The following GLB1 variants were observed in gnomAD, a reference collection of about 807,000 sequenced individuals.
The protein encoded by GLB1 is galactosidase beta 1.
A neutral mutation model predicts 74.0 loss-of-function variants in GLB1; 56 were observed. The ratio of observed to expected loss-of-function variants is 0.76; its 90% confidence interval spans 0.61 to 0.94. GLB1 has a LOEUF of 0.94. GLB1 is among the 40% of genes least tolerant of loss of function. The probability of loss-of-function intolerance (pLI) is 0.00; values close to 1 mark genes in which losing one functional copy is unlikely to be tolerated. For missense variants in GLB1, 787 were observed against 845.5 expected, an observed-to-expected ratio of 0.93 and a Z score of 0.86; for synonymous variants, 323 against 323.6, an observed-to-expected ratio of 1.00 and a Z score of 0.02.
At chr3:32,979,936 T>C in the GLB1 span, among the ~76,000 whole-genome samples, 1 of 152,090 alleles carries the variant, frequency 6.6e-6, no homozygotes, top group African/African-American at 2.4e-5. Flanking sequence ...ATTAAAAATT[T>C]TAATTGACAC....
At chr3:33,008,948 C>T (rs1159722956) in intron 15 of GLB1, among the ~76,000 whole-genome samples, 10 of 151,732 alleles carry the variant, frequency 6.6e-5, no homozygotes, top group African/African-American at 1.9e-4. Flanking sequence ...GGAGAAACCC[C>T]GTCTCTACTA....
the GLB1 span, among the ~76,000 whole-genome samples, chr3:32,973,474 C>T: frequency 6.6e-6 from 1 of 152,094 alleles, no homozygotes; most frequent in African/African-American, 2.4e-5. Flanking sequence ...GCTAGGATTA[C>T]AGGTGCATGC....
intron 10 of GLB1, among the ~76,000 whole-genome samples, chr3:33,025,693 G>T (rs892376142): frequency 6.7e-6 from 1 of 149,162 alleles, no homozygotes; most frequent in East Asian, 2.0e-4. Flanking sequence ...GTGGCGGTGG[G>T]AGCAGCTGCT....
chr3:33,048,307 T>C (rs1293563286), intron 9 of GLB1, among the ~76,000 whole-genome samples: 1 of 152,086 alleles, frequency 6.6e-6, no homozygotes, highest in Non-Finnish European at 1.5e-5. Flanking sequence ...ACTTTGGGTG[T>C]TTTTAGACCA....
At chr3:33,021,724 C>T in intron 11 of GLB1, 69 bp from the exon 12 acceptor site, 1 of 1,547,566 alleles carries the variant, frequency 6.5e-7, no homozygotes, top group East Asian at 2.3e-5. Context: ...AGAGTCATTC[C>T]CTAATTATCA....
the GLB1 span, among the ~76,000 whole-genome samples, chr3:32,969,525 A>G: frequency 6.6e-6 from 1 of 152,208 alleles, no homozygotes; most frequent in Non-Finnish European, 1.5e-5. Flanking sequence ...CAAAGAGGCA[A>G]AGCAGGCTGC....
chr3:32,974,530 T>G, the GLB1 span, among the ~76,000 whole-genome samples: 1 of 152,100 alleles, frequency 6.6e-6, no homozygotes, highest in Non-Finnish European at 1.5e-5. Flanking sequence ...TCATAAAAAA[T>G]TTGCTTACAT....
chr3:33,006,235 T>C (rs182526513), intron 15 of GLB1, among the ~76,000 whole-genome samples: 95 of 151,892 alleles, frequency 6.3e-4, no homozygotes, highest in Admixed American at 2.1e-3. Flanking sequence ...CAGTGAGAGG[T>C]GAGCGAGCAT....
intron 5 of GLB1, among the ~76,000 whole-genome samples, chr3:33,063,173 C>T (rs1020451419): frequency 6.6e-6 from 1 of 152,030 alleles, no homozygotes; most frequent in East Asian, 1.9e-4. Flanking sequence ...TGAAAAAGTG[C>T]TCATGACAAA....
intron 10 of GLB1, chr3:33,030,887 T>A: frequency 1.1e-6 from 1 of 910,230 alleles, no homozygotes; most frequent in Non-Finnish European, 1.3e-6. Context: ...AACTCACCAC[T>A]GCCCCTCTCA....
At chr3:33,033,880 C>T (rs997622887) in intron 10 of GLB1, 6 of 514,334 alleles carry the variant, frequency 1.2e-5, no homozygotes, top group African/African-American at 3.9e-5. Context: ...CAGTAATTAA[C>T]ACTGTGGATA....
the GLB1 span, among the ~76,000 whole-genome samples, chr3:32,970,524 G>A: frequency 6.6e-6 from 1 of 152,206 alleles, no homozygotes; most frequent in African/African-American, 2.4e-5. Context: ...TAACAGACTT[G>A]TATACTCTTT....
chr3:33,019,461 C>A (rs1697378870), intron 12 of GLB1, among the ~76,000 whole-genome samples: 1 of 152,044 alleles, frequency 6.6e-6, no homozygotes, highest in Admixed American at 6.6e-5. Flanking sequence ...AAATAGAGAT[C>A]CAGCATGGAA....
chr3:33,022,564 A>ATTTTTTGGTTTTTTTTTTTTTTTTT, intron 11 of GLB1, among the ~76,000 whole-genome samples: 1 of 63,746 alleles, frequency 1.6e-5, no homozygotes, highest in Non-Finnish European at 2.9e-5. Flanking sequence ...ACTGGTTAGG[A>ATTTTTTGGTTTTTTTTTTTTTTTTT]TTTTTTTTTT....
chr3:33,013,803 A>C (rs1458727716), intron 15 of GLB1, among the ~76,000 whole-genome samples: 1 of 152,174 alleles, frequency 6.6e-6, no homozygotes, highest in African/African-American at 2.4e-5. Context: ...AGGGGTCATG[A>C]TTCTTCTTGG....
intron 10 of GLB1, chr3:33,045,235 T>G (rs966847422): frequency 3.3e-6 from 2 of 608,700 alleles, no homozygotes; most frequent in Non-Finnish European, 4.1e-6. Context: ...GATTTGCTCA[T>G]AGACTCACTC....
chr3:33,071,705 A>T (rs572215886), intron 2 of GLB1, among the ~76,000 whole-genome samples: 39 of 151,808 alleles, frequency 2.6e-4, no homozygotes, highest in African/African-American at 8.2e-4. Context: ...TCTGTTGCCC[A>T]CCCCTCCTTC....
chr3:33,047,967 C>T (rs924238590), intron 9 of GLB1, among the ~76,000 whole-genome samples: 1 of 152,076 alleles, frequency 6.6e-6, no homozygotes, highest in African/African-American at 2.4e-5. Context: ...AAAAAAAAAC[C>T]CACATCCGTT....
At chr3:33,057,527 T>A (rs1055445291) in intron 6 of GLB1, among the ~76,000 whole-genome samples, 1 of 152,202 alleles carries the variant, frequency 6.6e-6, no homozygotes, top group Non-Finnish European at 1.5e-5. Flanking sequence ...TACACAGCAC[T>A]GTGTAAGGAA....
Sources: gnomAD v4.1 joint callset for allele counts (sites outside exome capture counted in the v4.1 genomes callset) on GRCh38, gnomAD v4.1.1 for gene constraint, MANE v1.5 for transcripts, NCBI Gene and HGNC (gene_info 2026-07-23, HGNC 2026-07-21) for gene names.